The following LHFPL1 variants were observed in gnomAD, a reference collection of about 807,000 sequenced individuals.
LHFPL1 encodes LHFPL tetraspan subfamily member 1 protein.
A neutral mutation model predicts 12.1 loss-of-function variants in LHFPL1; 4 were observed. The ratio of observed to expected loss-of-function variants is 0.33; its 90% confidence interval spans 0.16 to 0.76. The LOEUF (loss-of-function observed/expected upper bound fraction) is 0.76, where lower values mean the gene tolerates loss of function less well. LHFPL1 is among the 30% of genes least tolerant of loss of function. The pLI, the probability that LHFPL1 is intolerant of heterozygous loss-of-function variation, is 0.61. For synonymous variants in LHFPL1, 52 were observed against 61.9 expected (o/e 0.84, Z 0.75); for missense variants, 141 against 174.1 (o/e 0.81, Z 1.07).
At position 112,643,424 on chromosome X, in the gene LHFPL1, A is replaced by C. The variant is rs1452746554; in HGVS notation, c.482-11823T>G. Among the ~76,000 whole-genome samples the C allele has an allele frequency of 3.6e-5, 4 of 109,744 alleles. No individual in the cohort carries two copies. The East Asian group carries it at 8.6e-4, about 24-fold the overall frequency. ...AGAAAAAGAGGTTTACTTGACTCAC[A>C]GTTCCACATGGCTGGGGAGGCCTCA... On this transcript the variant is annotated intron_variant, in intron 3 of 3. Coordinates refer to ENST00000371968, the MANE Select transcript of LHFPL1 (RefSeq NM_178175.4).
rs111620839 is a variant in LHFPL1, at chrX:112,644,453, T to TTGTGTG, written c.482-12858_482-12853dup. 8.3e-3 allele frequency among the ~76,000 whole-genome samples: 865 copies of TTGTGTG among 104,802 alleles called. 12 individuals carry two copies. The highest frequency in any genetic ancestry group is 0.027 in the African/African-American group (792 of 28,876). 91.0% of individuals were successfully genotyped at this position (104,802 alleles called of 115,157 possible). A position where few individuals can be genotyped will look rare whatever the true frequency, so the allele number is the denominator to read the frequency against. On this transcript the variant is annotated intron_variant, in intron 3 of 3. Transcript: ENST00000371968. ...GCAAATTAGCATATATTTCTCCTGT[T>TTGTGTG]TGTGTGTGTGTGTGTGTGTGTGTGT... is the stretch of plus-strand genomic sequence containing the variant.
chrX:112,659,582 G>A (rs1490992080), intron 3 of LHFPL1, among the ~76,000 whole-genome samples: 1 of 111,701 alleles, frequency 9.0e-6, no homozygotes, highest in South Asian at 3.8e-4. Context: ...ATATATCAAC[G>A]AAACTGTCAT....
chrX:112,642,649 GA>G, intron 3 of LHFPL1, among the ~76,000 whole-genome samples: 1 of 110,330 alleles, frequency 9.1e-6, no homozygotes, highest in Middle Eastern at 4.7e-3. Context: ...AATTGAATCA[GA>G]AGACCTGACC....
chrX:112,660,990 A>G (rs1490009541), intron 2 of LHFPL1, among the ~76,000 whole-genome samples: 1 of 112,388 alleles, frequency 8.9e-6, no homozygotes, highest in African/African-American at 3.2e-5. Flanking sequence ...TACTTTTTAC[A>G]GCCAAAATAC....
At chrX:112,651,660 A>G (rs184814394) in intron 3 of LHFPL1, among the ~76,000 whole-genome samples, 1 of 111,454 alleles carries the variant, frequency 9.0e-6, no homozygotes, top group East Asian at 2.8e-4. Context: ...TACACTTTAA[A>G]ATATATTTTG....
intron 1 of LHFPL1, among the ~76,000 whole-genome samples, chrX:112,678,019 C>T (rs185334428): frequency 1.8e-5 from 2 of 110,185 alleles, no homozygotes; most frequent in East Asian, 5.7e-4. Context: ...GGAATGCTCA[C>T]AAGCAGGTAA....
At chrX:112,653,075 G>T (rs1157319731) in intron 3 of LHFPL1, among the ~76,000 whole-genome samples, 1 of 111,866 alleles carries the variant, frequency 8.9e-6, no homozygotes, top group African/African-American at 3.2e-5. Context: ...AGTGAACTTA[G>T]GCAAGCTACA....
chrX:112,669,844 G>A (rs972473296), intron 2 of LHFPL1, among the ~76,000 whole-genome samples: 2 of 111,442 alleles, frequency 1.8e-5, no homozygotes, highest in African/African-American at 6.5e-5. Context: ...GGGGGGAGGG[G>A]CATGCAAAAG....
chrX:112,667,186 T>C (rs17223015), intron 2 of LHFPL1, among the ~76,000 whole-genome samples: 6,501 of 111,921 alleles, frequency 0.058, 167 homozygotes, highest in Middle Eastern at 0.1. Flanking sequence ...ATGTCTCCAA[T>C]GGCAACTTTT....
At chrX:112,669,553 G>A (rs1234605865) in intron 2 of LHFPL1, among the ~76,000 whole-genome samples, 5 of 112,692 alleles carry the variant, frequency 4.4e-5, no homozygotes, top group Admixed American at 3.7e-4. Flanking sequence ...TGAGAAAAGA[G>A]GAAACCAGAA....
Position 112,671,039 on chromosome X carries a change from G to A in LHFPL1, c.352C>T (p.Arg118Cys), listed in dbSNP as rs375090388. Residue 118 changes from arginine (R) to cysteine (C), a missense_variant, in exon 2 of 4, where the codon CGT (arginine) becomes TGT (cysteine). Transcript: ENST00000371968. ...MEELISRMMG[R>C]CMGAAQFVGG... is the part of the protein sequence containing the mutation. ...ACAAACTGCGCTGCTCCCATGCAACGTCCCATCATTCTGGAGATGAGCTCC... is the reference window on the plus strand; with the variant it reads ...ACAAACTGCGCTGCTCCCATGCAACATCCCATCATTCTGGAGATGAGCTCC... 7.4e-6 allele frequency: 9 copies of A among 1,209,688 alleles called. No homozygotes were observed. Among genetic ancestry groups the A allele is most frequent in the African/African-American group, 1.7e-5 (1 of 57,170 alleles).
intron 2 of LHFPL1, among the ~76,000 whole-genome samples, chrX:112,662,989 A>G (rs917498457): frequency 1.8e-5 from 2 of 111,980 alleles, no homozygotes; most frequent in African/African-American, 3.2e-5. Context: ...CTTCACATTC[A>G]GATCCCTGGG....
chrX:112,645,843 C>T (rs1160419458), intron 3 of LHFPL1, among the ~76,000 whole-genome samples: 1 of 111,853 alleles, frequency 8.9e-6, no homozygotes, highest in Non-Finnish European at 1.9e-5. Flanking sequence ...AAGCATTGCA[C>T]TTGACAGGGC....
chrX:112,653,198 T>G (rs999907750), intron 3 of LHFPL1, among the ~76,000 whole-genome samples: 1 of 111,942 alleles, frequency 8.9e-6, no homozygotes. Context: ...GTAATTAATA[T>G]GAAGCCTATG....
In LHFPL1 at chrX:112,644,057, C is replaced by T. The variant is rs989373095; in HGVS notation, c.482-12456G>A. On this transcript the variant is annotated intron_variant, in intron 3 of 3. Coordinates refer to ENST00000371968, the MANE Select transcript of LHFPL1 (RefSeq NM_178175.4). ...GCTTCTTCTCTGGCTGGATACTCCT[C>T]TCTGTGTGGGCTAGATGGGCAACTA... 1.2e-4 allele frequency among the ~76,000 whole-genome samples: 14 copies of T among 112,190 alleles called. 1 individual carries two copies. In the Admixed American group the frequency reaches 1.3e-3, roughly 11 times the overall value.
Position 112,671,737 on chromosome X carries a change from A to C in LHFPL1, c.-14-333T>G, listed in dbSNP as rs900751688. Among the ~76,000 whole-genome samples, 6 of 111,760 alleles carry C rather than the reference A, an allele frequency of 5.4e-5. No individual in the cohort carries two copies. In the Admixed American group the frequency reaches 5.7e-4, roughly 11 times the overall value. On this transcript the variant is annotated intron_variant, in intron 1 of 3. Coordinates refer to ENST00000371968, the MANE Select transcript of LHFPL1 (RefSeq NM_178175.4). The stretch of plus-strand genomic sequence containing the variant: ...AGACAGCTTTTAACTCTTGACATAC[A>C]TCGTGGAACAAGTGGCAGGAAAGGA...
intron 1 of LHFPL1, among the ~76,000 whole-genome samples, chrX:112,674,251 G>T (rs1248521360): frequency 9.0e-6 from 1 of 111,637 alleles, no homozygotes; most frequent in Admixed American, 9.5e-5. Context: ...GTAGGAGAAT[G>T]AAACTGGATC....
At chrX:112,640,588 A>G (rs761810744) in intron 3 of LHFPL1, among the ~76,000 whole-genome samples, 8 of 111,885 alleles carry the variant, frequency 7.2e-5, no homozygotes, top group Non-Finnish European at 1.1e-4. Context: ...TGTCCACAGG[A>G]TGGGAGATAG....
intron 2 of LHFPL1, among the ~76,000 whole-genome samples, chrX:112,662,179 CT>C (rs1931208661): frequency 8.9e-6 from 1 of 112,497 alleles, no homozygotes; most frequent in East Asian, 2.8e-4. Flanking sequence ...GGGTGCCACA[CT>C]AATGAACATG....
Sources: gnomAD v4.1 joint callset for allele counts (sites outside exome capture counted in the v4.1 genomes callset) on GRCh38, gnomAD v4.1.1 for gene constraint, MANE v1.5 for transcripts, NCBI Gene and HGNC (gene_info 2026-07-23, HGNC 2026-07-21) for gene names.